The following GALNTL6 variants were observed in gnomAD, a reference collection of about 807,000 sequenced individuals.
GALNTL6 encodes polypeptide N-acetylgalactosaminyltransferase like 6.
Under a neutral mutation model 73.7 loss-of-function variants are expected in GALNTL6, and 46 were observed. The ratio of observed to expected loss-of-function variants is 0.62; its 90% CI spans 0.49 to 0.80. The LOEUF is 0.80. GALNTL6 is among the 30% of genes least tolerant of loss of function. The pLI is 0.00. For synonymous variants in GALNTL6, 259 were observed against 263.7 expected, an observed-to-expected ratio of 0.98 and a Z score of 0.17; for missense variants, 604 against 755.0, an observed-to-expected ratio of 0.80 and a Z score of 2.34.
Position 172,229,596 on chromosome 4 carries a change from T to C in GALNTL6, c.139-60T>C. 1.0e-5 allele frequency: 10 copies of C among 976,306 alleles called. 2 individuals carry two copies. The South Asian group carries it at 1.4e-4, about 13-fold the overall frequency. 60.5% of individuals were successfully genotyped at this position (976,306 alleles called of 1,614,324 possible). ...TGCCTATTATGTGCCCGGCTGTGTTTACCTACCATGCAAAAGGAAATACCT... is the reference window on the plus strand; with the variant it reads ...TGCCTATTATGTGCCCGGCTGTGTTCACCTACCATGCAAAAGGAAATACCT... On this transcript the variant is annotated intron_variant, in intron 2 of 12. Coordinates refer to ENST00000506823, the MANE Select transcript of GALNTL6 (RefSeq NM_001034845.3).
At chr4:171,911,565 T>A (rs934930623) in intron 2 of GALNTL6, among the ~76,000 whole-genome samples, 2 of 152,172 alleles carry the variant, frequency 1.3e-5, no homozygotes, top group Non-Finnish European at 2.9e-5. Context: ...AAGCATTAAG[T>A]TAAGCACATA....
rs546292475 is a variant in GALNTL6, at chr4:172,626,637, A to G, written c.554-182724A>G. 6.6e-5 allele frequency among the ~76,000 whole-genome samples: 10 copies of G among 152,004 alleles called. No homozygotes were observed. In the South Asian group the frequency reaches 8.3e-4, roughly 13 times the overall value. ...TTTTAACAATACTGATGAGTATGAA[A>G]TGTTTTTCCATTTATTTGTGTCATC... On this transcript the variant is annotated intron_variant, in intron 5 of 12. Coordinates refer to ENST00000506823, the MANE Select transcript of GALNTL6 (RefSeq NM_001034845.3).
intron 7 of GALNTL6, among the ~76,000 whole-genome samples, chr4:172,840,990 G>C (rs1560986594): frequency 6.6e-6 from 1 of 152,136 alleles, no homozygotes; most frequent in Non-Finnish European, 1.5e-5. Context: ...AGGTGTGCAT[G>C]AATCTCAATT....
chr4:172,990,337 A>G (rs1352035230), intron 10 of GALNTL6, among the ~76,000 whole-genome samples: 1 of 152,232 alleles, frequency 6.6e-6, no homozygotes, highest in African/African-American at 2.4e-5. Flanking sequence ...ATTTTTGTTC[A>G]TAGGAGTATA....
intron 5 of GALNTL6, among the ~76,000 whole-genome samples, chr4:172,671,198 T>C (rs535506320): frequency 6.6e-6 from 1 of 152,328 alleles, no homozygotes; most frequent in South Asian, 2.1e-4. Context: ...ATGTCAGTGG[T>C]GATTTAATAG....
At chr4:172,817,469 T>G (rs985431801) in intron 7 of GALNTL6, among the ~76,000 whole-genome samples, 4 of 152,154 alleles carry the variant, frequency 2.6e-5, no homozygotes, top group Non-Finnish European at 2.9e-5. Context: ...TTTGGGTTAT[T>G]ATTAAGGAAG....
At chr4:171,925,772 TTGA>T (rs1376518080) in intron 2 of GALNTL6, among the ~76,000 whole-genome samples, 4 of 152,124 alleles carry the variant, frequency 2.6e-5, no homozygotes, top group Admixed American at 1.3e-4. Context: ...TTTCTTTGTA[TTGA>T]TGATAATAAG....
At chr4:172,495,932 G>GT (rs1206913643) in intron 5 of GALNTL6, among the ~76,000 whole-genome samples, 1 of 152,180 alleles carries the variant, frequency 6.6e-6, no homozygotes, top group Non-Finnish European at 1.5e-5. Flanking sequence ...CCTCATAGAG[G>GT]TGACTATCCC....
At chr4:172,584,529 A>G (rs1737328437) in intron 5 of GALNTL6, among the ~76,000 whole-genome samples, 1 of 152,218 alleles carries the variant, frequency 6.6e-6, no homozygotes, top group Admixed American at 6.5e-5. Context: ...TTTGAAGAGA[A>G]GGGGATAGAT....
At chr4:172,597,027 C>T (rs377362789) in intron 5 of GALNTL6, among the ~76,000 whole-genome samples, 1 of 152,098 alleles carries the variant, frequency 6.6e-6, no homozygotes, top group African/African-American at 2.4e-5. Flanking sequence ...AAATTACATT[C>T]TTTTAACCTT....
chr4:172,964,100 G>A (rs1290422028), intron 10 of GALNTL6, among the ~76,000 whole-genome samples: 1 of 152,164 alleles, frequency 6.6e-6, no homozygotes, highest in East Asian at 1.9e-4. Flanking sequence ...TAGAAGCAAT[G>A]TGCTTTCCCC....
At chr4:172,128,082 C>T (rs575774330) in intron 2 of GALNTL6, among the ~76,000 whole-genome samples, 240 of 151,262 alleles carry the variant, frequency 1.6e-3, no homozygotes, top group African/African-American at 5.4e-3. Flanking sequence ...TCAGCCTGGA[C>T]GACAGAACAA....
At chr4:171,987,193 A>G (rs1344943523) in intron 2 of GALNTL6, among the ~76,000 whole-genome samples, 1 of 152,216 alleles carries the variant, frequency 6.6e-6, no homozygotes, top group Non-Finnish European at 1.5e-5. Flanking sequence ...AGTATTGTCC[A>G]GTCTTTTTTA....
At chr4:172,195,050 C>T (rs1028385445) in intron 2 of GALNTL6, among the ~76,000 whole-genome samples, 2 of 152,132 alleles carry the variant, frequency 1.3e-5, no homozygotes, top group East Asian at 1.9e-4. Flanking sequence ...AGTTAAGAGA[C>T]CCATCTCACG....
intron 5 of GALNTL6, among the ~76,000 whole-genome samples, chr4:172,748,943 T>C (rs2110772171): frequency 6.6e-6 from 1 of 152,114 alleles, no homozygotes; most frequent in East Asian, 1.9e-4. Context: ...CAAGGTCTAC[T>C]CTGTTGCCCA....
chr4:172,170,050 G>T (rs1734760334), intron 2 of GALNTL6, among the ~76,000 whole-genome samples: 1 of 152,206 alleles, frequency 6.6e-6, no homozygotes, highest in Non-Finnish European at 1.5e-5. Flanking sequence ...AATGCAGGAA[G>T]TCAGCCTCCA....
chr4:171,940,875 T>C (rs974575432), intron 2 of GALNTL6, among the ~76,000 whole-genome samples: 2 of 128,680 alleles, frequency 1.6e-5, no homozygotes, highest in Admixed American at 1.7e-4. Flanking sequence ...ATATAAGTCA[T>C]GTATGCATTA....
At chr4:172,477,636 G>A (rs939754988) in intron 5 of GALNTL6, among the ~76,000 whole-genome samples, 3 of 152,160 alleles carry the variant, frequency 2.0e-5, no homozygotes, top group African/African-American at 7.2e-5. Context: ...TGCCTATGAT[G>A]AACAACAGAT....
At chr4:172,379,401 G>GA (rs1251479321) in intron 5 of GALNTL6, among the ~76,000 whole-genome samples, 1 of 151,842 alleles carries the variant, frequency 6.6e-6, no homozygotes, top group Non-Finnish European at 1.5e-5. Flanking sequence ...ACGGTGGCGG[G>GA]CGCCTGTAGT....
Sources: gnomAD v4.1 joint callset for allele counts (sites outside exome capture counted in the v4.1 genomes callset) on GRCh38, gnomAD v4.1.1 for gene constraint, MANE v1.5 for transcripts, NCBI Gene and HGNC (gene_info 2026-07-23, HGNC 2026-07-21) for gene names.